Variants in LSM14A observed in about 807,000 individuals in gnomAD.
LSM14A encodes protein LSM14 homolog A.
A neutral mutation model predicts 52.4 loss-of-function variants in LSM14A; 14 were observed. The observed-to-expected ratio is 0.27, with a 90% CI of 0.18 to 0.42. The LOEUF is 0.42. Among genes scored for constraint, LSM14A ranks in the 10% least tolerant of loss-of-function variants. The pLI is 1.00. For synonymous variants in LSM14A, 185 were observed against 200.3 expected (o/e 0.92, Z 0.64); for missense variants, 417 against 581.8 (o/e 0.72, Z 2.91).
chr19:34,181,862 C>T (rs1437288667), intron 1 of LSM14A, among the ~76,000 whole-genome samples: 1 of 152,138 alleles, frequency 6.6e-6, no homozygotes, highest in Admixed American at 6.5e-5. Context: ...AACATCTCTA[C>T]TTGTAGGGAA....
chr19:34,215,467 T>A, intron 5 of LSM14A, 129 bp from the exon 6 acceptor site: 2 of 1,088,546 alleles, frequency 1.8e-6, no homozygotes, highest in Non-Finnish European at 2.7e-6. Context: ...GTGGTGTGGG[T>A]ATAGTTTTTT....
chr19:34,225,007 T>G (rs949572872), intron 9 of LSM14A, among the ~76,000 whole-genome samples: 1 of 152,242 alleles, frequency 6.6e-6, no homozygotes, highest in Non-Finnish European at 1.5e-5. Flanking sequence ...CTATCTGCTT[T>G]CTTTGGCACA....
intron 1 of LSM14A, among the ~76,000 whole-genome samples, chr19:34,183,226 C>A (rs1357054931): frequency 6.6e-6 from 1 of 152,054 alleles, no homozygotes; most frequent in African/African-American, 2.4e-5. Context: ...TTGATAAATC[C>A]TATCAAAACT....
At chr19:34,193,287 G>A (rs2070590661) in intron 1 of LSM14A, among the ~76,000 whole-genome samples, 1 of 152,110 alleles carries the variant, frequency 6.6e-6, no homozygotes, top group South Asian at 2.1e-4. Context: ...TTATAGCTGG[G>A]ACTACAGGCA....
intron 1 of LSM14A, 125 bp downstream of exon 1, chr19:34,172,888 T>G: frequency 8.7e-7 from 1 of 1,155,302 alleles, no homozygotes; most frequent in Non-Finnish European, 1.2e-6. Flanking sequence ...GCCTCTCGCC[T>G]CCCTTCTCCG....
intron 6 of LSM14A, among the ~76,000 whole-genome samples, chr19:34,218,678 G>A (rs1220174175): frequency 5.9e-5 from 9 of 151,992 alleles, no homozygotes; most frequent in Non-Finnish European, 1.0e-4. Context: ...GGGTTCCCAC[G>A]TTTTTCACTA....
intron 9 of LSM14A, among the ~76,000 whole-genome samples, chr19:34,225,137 CTCAGCTCAACAT>C (rs1219306835): frequency 6.6e-6 from 1 of 152,184 alleles, no homozygotes; most frequent in Non-Finnish European, 1.5e-5. Flanking sequence ...CATGACAACA[CTCAGCTCAACAT>C]GGAGCCATAG....
intron 6 of LSM14A, among the ~76,000 whole-genome samples, 177 bp downstream of exon 6, chr19:34,215,838 G>A (rs929088806): frequency 1.3e-5 from 2 of 152,176 alleles, no homozygotes; most frequent in Admixed American, 6.5e-5. Flanking sequence ...TGTGGTGGTA[G>A]TTTTGCAAAT....
At chr19:34,179,704 G>A (rs2069337951) in intron 1 of LSM14A, among the ~76,000 whole-genome samples, 1 of 151,924 alleles carries the variant, frequency 6.6e-6, no homozygotes, top group Non-Finnish European at 1.5e-5. Flanking sequence ...AAGGAAGGAA[G>A]TAGGAAGAAA....
At chr19:34,191,335 T>C (rs1223834685) in intron 1 of LSM14A, among the ~76,000 whole-genome samples, 2 of 152,202 alleles carry the variant, frequency 1.3e-5, no homozygotes, top group Non-Finnish European at 2.9e-5. Flanking sequence ...TAATACTGAA[T>C]GTATTTCATC....
chr19:34,219,972 A>ATTGTT (rs149788131), intron 8 of LSM14A, 95 bp downstream of exon 8: 6 of 908,252 alleles, frequency 6.6e-6, no homozygotes, highest in East Asian at 2.5e-5. Flanking sequence ...TACTACCATA[A>ATTGTT]TTGTTTTGTT....
chr19:34,195,981 TGCCA>T (rs1789513454), intron 2 of LSM14A, among the ~76,000 whole-genome samples: 1 of 152,244 alleles, frequency 6.6e-6, no homozygotes, highest in Non-Finnish European at 1.5e-5. Flanking sequence ...GAAAAGGTCC[TGCCA>T]TCAGTGAGTG....
Position 34,228,391 on chromosome 19 carries a change from G to A in LSM14A, c.*1003G>A, listed in dbSNP as rs1264083035. 6.6e-6 allele frequency: 1 copy of A among 152,442 alleles called. No individual in the cohort carries two copies. The highest frequency in any genetic ancestry group is 1.5e-5 in the Non-Finnish European group (1 of 68,036). 9.4% of individuals were successfully genotyped at this position (152,442 alleles called of 1,614,324 possible). A position where few individuals can be genotyped will look rare whatever the true frequency, so the allele number is the denominator to read the frequency against. ...TGTACTTAGCTGTATTTTCAAATAA[G>A]TAATCTTCCCCCCTTTTGTAGGACT... On this transcript the variant is annotated 3_prime_UTR_variant, in exon 10 of 10. Transcript: ENST00000544216.
At chr19:34,217,846 C>T (rs2072766034) in intron 6 of LSM14A, among the ~76,000 whole-genome samples, 1 of 151,456 alleles carries the variant, frequency 6.6e-6, no homozygotes, top group Non-Finnish European at 1.5e-5. Context: ...AAAGAGAGAG[C>T]TCCCCTCCCA....
intron 3 of LSM14A, among the ~76,000 whole-genome samples, chr19:34,202,552 GAC>G (rs1181319514): frequency 6.6e-6 from 1 of 151,514 alleles, no homozygotes; most frequent in African/African-American, 2.4e-5. Context: ...TCTACACTGA[GAC>G]ACCATTTCTC....
At chr19:34,197,798 C>A (rs1275170730) in intron 3 of LSM14A, among the ~76,000 whole-genome samples, 1 of 152,084 alleles carries the variant, frequency 6.6e-6, no homozygotes, top group Non-Finnish European at 1.5e-5. Context: ...CATAAAGATA[C>A]GCATAGCATG....
rs983509418 is a variant in LSM14A, at chr19:34,179,854, TTG to T, written c.121+7093_121+7094del. On this transcript the variant is annotated intron_variant, in intron 1 of 9. Coordinates refer to ENST00000544216, the MANE Select transcript of LSM14A (RefSeq NM_015578.4). ...AGAAGATGCTTGCTATAGAAACAAT[TTG>T]TCTTTCTCTCATGATGCTATAAAAT... Among the ~76,000 whole-genome samples the T allele has an allele frequency of 3.8e-4, 58 of 152,174 alleles. 2 individuals are homozygous for T. The highest frequency in any genetic ancestry group is 8.8e-5 in the Non-Finnish European group (6 of 68,030).
intron 6 of LSM14A, among the ~76,000 whole-genome samples, chr19:34,216,553 G>A (rs571705930): frequency 1.3e-5 from 2 of 151,974 alleles, no homozygotes; most frequent in East Asian, 1.9e-4. Context: ...TCCGCCTCCC[G>A]GGTTCAAGTA....
intron 4 of LSM14A, among the ~76,000 whole-genome samples, chr19:34,209,588 A>G (rs2071982585): frequency 6.6e-6 from 1 of 152,060 alleles, no homozygotes; most frequent in South Asian, 2.1e-4. Flanking sequence ...TTCTTAAAGG[A>G]TTGTTTTATT....
Sources: allele counts gnomAD v4.1 joint callset (sites outside exome capture counted in the v4.1 genomes callset), GRCh38; gene constraint gnomAD v4.1.1; transcripts MANE v1.5; gene names NCBI Gene and HGNC (gene_info 2026-07-23, HGNC 2026-07-21).